Variants in SYNE1 observed in about 807,000 individuals in gnomAD.
SYNE1 encodes the protein nesprin-1.
In SYNE1, 616 loss-of-function variants were observed where a neutral mutation model predicts 1,111.0. The ratio of observed to expected loss-of-function variants is 0.55; its 90% CI spans 0.52 to 0.59. The LOEUF is 0.59. Among genes scored for constraint, SYNE1 ranks in the 20% least tolerant of loss-of-function variants. The pLI is 0.00. For synonymous variants in SYNE1, 3,855 were observed against 3,825.8 expected (o/e 1.01, Z -0.28); for missense variants, 10,006 against 10,417.0 (o/e 0.96, Z 1.72).
At chr6:152,572,820 T>C (rs1564924267) in intron 3 of SYNE1, among the ~76,000 whole-genome samples, 1 of 152,154 alleles carries the variant, frequency 6.6e-6, no homozygotes, top group Non-Finnish European at 1.5e-5. Context: ...GTGTGAATGA[T>C]GTGTGTTGAT....
At chr6:152,139,741 G>GAA (rs1309167772) in intron 140 of SYNE1, among the ~76,000 whole-genome samples, 2 of 143,472 alleles carry the variant, frequency 1.4e-5, no homozygotes, top group Non-Finnish European at 3.0e-5. Context: ...AAGAAAGAAA[G>GAA]AAAGAAAGAA....
At chr6:152,344,353 T>C in intron 73 of SYNE1, 126 bp from the exon 74 acceptor site, 1 of 1,423,800 alleles carries the variant, frequency 7.0e-7, no homozygotes, top group Non-Finnish European at 9.7e-7. Flanking sequence ...TGCAATTTCA[T>C]CTAATATCTA....
At chr6:152,221,319 G>A (rs2080127646) in intron 118 of SYNE1, 107 bp downstream of exon 118, 3 of 1,381,842 alleles carry the variant, frequency 2.2e-6, no homozygotes, top group South Asian at 1.2e-5. Context: ...AAGTTTAAAG[G>A]AATAGAATCT....
At chr6:152,202,960 A>G (rs1299474263) in intron 126 of SYNE1, among the ~76,000 whole-genome samples, 1 of 152,192 alleles carries the variant, frequency 6.6e-6, no homozygotes, top group Non-Finnish European at 1.5e-5. Context: ...AATTTAAGAA[A>G]TCTATATCTA....
At chr6:152,390,183 G>T in intron 53 of SYNE1, 97 bp downstream of exon 53, 3 of 1,327,990 alleles carry the variant, frequency 2.3e-6, no homozygotes, top group Non-Finnish European at 3.2e-6. Flanking sequence ...ACAGTAAAAT[G>T]CTTGGGAATT....
intron 3 of SYNE1, among the ~76,000 whole-genome samples, chr6:152,623,876 T>C (rs1444040499): frequency 5.3e-5 from 8 of 152,180 alleles, no homozygotes; most frequent in Admixed American, 5.2e-4. Flanking sequence ...AAAGTTACAT[T>C]TTCATCAATT....
Position 152,450,542 on chromosome 6 carries a change from G to A in SYNE1, c.3395+83C>T, listed in dbSNP as rs2098639052. On this transcript the variant is annotated intron_variant, in intron 27 of 145. Coordinates refer to ENST00000367255, the MANE Select transcript of SYNE1 (RefSeq NM_182961.4). ...AACATGAGCAAGAAATATGAAATAA[G>A]TTATTTCTTGTTTTGTCATGATCTC... is the stretch of plus-strand genomic sequence containing the variant. 14 of 1,188,264 alleles carry A rather than the reference G, an allele frequency of 1.2e-5. No individual in the cohort carries two copies. The Admixed American group carries it at 2.2e-4, about 19-fold the overall frequency. The allele number at this position is 1,188,264 out of a possible 1,614,324, so 73.6% of individuals were successfully genotyped here.
intron 108 of SYNE1, among the ~76,000 whole-genome samples, chr6:152,239,217 T>C (rs914486410): frequency 2.6e-5 from 4 of 152,072 alleles, no homozygotes; most frequent in Non-Finnish European, 5.9e-5. Flanking sequence ...GCACCTGGCC[T>C]ATTTCTACAT....
chr6:152,603,871 A>ATAT (rs2099603045), intron 3 of SYNE1, among the ~76,000 whole-genome samples: 2 of 133,898 alleles, frequency 1.5e-5, no homozygotes, highest in Admixed American at 1.5e-4. Flanking sequence ...AGATAGATAT[A>ATAT]CTATCTATCT....
chr6:152,338,117 C>T (rs9479300), intron 75 of SYNE1, among the ~76,000 whole-genome samples: 70,263 of 151,744 alleles, frequency 0.46, 16,269 homozygotes, highest in East Asian at 0.56. Context: ...CACTGTGCTC[C>T]GGCCTGGGAA....
At position 152,330,098 on chromosome 6, in the gene SYNE1, C is replaced by T; in HGVS notation, c.14587G>A (p.Gly4863Arg). Residue 4863 changes from glycine to arginine, a missense_variant, in exon 78 of 146, where the codon GGG (glycine) becomes AGG (arginine). Coordinates refer to ENST00000367255, the MANE Select transcript of SYNE1 (RefSeq NM_182961.4). The stretch of plus-strand genomic sequence containing the variant: ...GCAGAAGTCAACAGTTTTAACTCCC[C>T]TTGCCAGGACTGGATCTGATGCCTG... ...KARHQIQSWQ[G>R]ELKLLTSAIG... 1.2e-6 allele frequency: 2 copies of T among 1,614,148 alleles called. No individual in the cohort carries two copies. The highest frequency in any genetic ancestry group is 2.2e-5 in the South Asian group (2 of 91,070).
chr6:152,326,514 C>T lies in SYNE1; in HGVS notation c.15075G>A (p.Val5025=). 3 of 1,614,216 alleles carry T rather than the reference C, an allele frequency of 1.9e-6. No homozygotes were observed. Among genetic ancestry groups the T allele is most frequent in the Non-Finnish European group, 2.5e-6 (3 of 1,180,052 alleles). ...TTTTGAGATTTTCCTCTGCGCTCTC[C>T]ACGTCTAGGCCATTGCCTGCCAGCT... ...LLQLAGNGLD[V]ESAEENLKSH... The change falls in exon 79 of 146, where the codon GTG becomes GTA. Residue 5025 remains valine (V), a synonymous_variant. Coordinates refer to ENST00000367255, the MANE Select transcript of SYNE1 (RefSeq NM_182961.4).
chr6:152,123,278 A>G (rs181568153), intron 145 of SYNE1, among the ~76,000 whole-genome samples: 1 of 152,322 alleles, frequency 6.6e-6, no homozygotes, highest in East Asian at 1.9e-4. Flanking sequence ...CGGGTTCCAA[A>G]GCTGTACGAA....
At chr6:152,363,018 C>G (rs966202019) in intron 63 of SYNE1, among the ~76,000 whole-genome samples, 3 of 151,098 alleles carry the variant, frequency 2.0e-5, no homozygotes, top group African/African-American at 7.3e-5. Flanking sequence ...GTAGCTGGGA[C>G]TACATGCCCC....
At chr6:152,176,815 A>G (rs992902566) in intron 129 of SYNE1, among the ~76,000 whole-genome samples, 4 of 152,140 alleles carry the variant, frequency 2.6e-5, no homozygotes, top group Non-Finnish European at 5.9e-5. Flanking sequence ...ATTTACTTGA[A>G]ATACATATTA....
chr6:152,465,014 ACTTCAGGGTAATATAGTGCC>A (rs1044490261), intron 18 of SYNE1: 1 of 533,650 alleles, frequency 1.9e-6, no homozygotes, highest in African/African-American at 1.9e-5. Flanking sequence ...TCATAGACAG[ACTTCAGGGTAATATAGTGCC>A]CTCCCCTTTG....
intron 58 of SYNE1, among the ~76,000 whole-genome samples, chr6:152,374,518 A>C (rs2097247385): frequency 6.6e-6 from 1 of 152,224 alleles, no homozygotes; most frequent in Non-Finnish European, 1.5e-5. Flanking sequence ...TCATGCCTGT[A>C]ATCCCAGCAC....
chr6:152,525,378 C>T (rs1384782471), intron 5 of SYNE1, among the ~76,000 whole-genome samples: 1 of 152,020 alleles, frequency 6.6e-6, no homozygotes, highest in Non-Finnish European at 1.5e-5. Flanking sequence ...AAAATTATTT[C>T]CTGAATTCCT....
intron 4 of SYNE1, among the ~76,000 whole-genome samples, chr6:152,538,993 A>G (rs2099257079): frequency 6.6e-6 from 1 of 152,140 alleles, no homozygotes; most frequent in Admixed American, 6.6e-5. Flanking sequence ...GTAGAATGGG[A>G]CTAAAATCAA....
Sources: allele counts gnomAD v4.1 joint callset (sites outside exome capture counted in the v4.1 genomes callset), GRCh38; gene constraint gnomAD v4.1.1; transcripts MANE v1.5; gene names NCBI Gene and HGNC (gene_info 2026-07-23, HGNC 2026-07-21).